ATRNL1: variants seen among roughly 807,000 people sequenced by gnomAD.
ATRNL1 encodes the protein attractin-like protein 1.
Under a neutral mutation model 182.7 loss-of-function variants are expected in ATRNL1, and 95 were observed. That is an observed-to-expected ratio of 0.52 (90% confidence interval 0.44 to 0.62). ATRNL1 has a LOEUF of 0.62. Among genes scored for constraint, ATRNL1 ranks in the 20% least tolerant of loss-of-function variants. ATRNL1 has a pLI of 0.00. For synonymous variants in ATRNL1, 576 were observed against 568.3 expected (o/e 1.01, Z -0.19); for missense variants, 1,471 against 1,679.5 (o/e 0.88, Z 2.17).
intron 22 of ATRNL1, among the ~76,000 whole-genome samples, chr10:115,462,768 A>G (rs182178107): frequency 5.6e-4 from 85 of 152,226 alleles, no homozygotes; most frequent in African/African-American, 2.0e-3. Context: ...TAATGAAATT[A>G]CCACATCACT....
intron 8 of ATRNL1, among the ~76,000 whole-genome samples, chr10:115,210,026 C>G (rs1422758513): frequency 2.0e-5 from 3 of 151,930 alleles, no homozygotes; most frequent in African/African-American, 7.2e-5. Flanking sequence ...TGTCTTCGCT[C>G]TTACAATTCC....
chr10:115,206,136 C>A (rs1554893682), intron 8 of ATRNL1, among the ~76,000 whole-genome samples: 1 of 151,832 alleles, frequency 6.6e-6, no homozygotes, highest in African/African-American at 2.4e-5. Flanking sequence ...AATGTTGGGC[C>A]ACTTCTTTCT....
chr10:115,255,079 G>C (rs1221640073), intron 10 of ATRNL1, among the ~76,000 whole-genome samples: 1 of 152,164 alleles, frequency 6.6e-6, no homozygotes, highest in Admixed American at 6.5e-5. Context: ...TGATCCTCCA[G>C]CTTTGTTCTT....
At chr10:115,540,152 A>AT (rs1565148315) in intron 25 of ATRNL1, among the ~76,000 whole-genome samples, 3 of 147,524 alleles carry the variant, frequency 2.0e-5, no homozygotes, top group Admixed American at 6.8e-5. Context: ...TAAATAAATA[A>AT]ATATATAGTG....
At chr10:115,120,619 G>C (rs1203140510) in intron 2 of ATRNL1, among the ~76,000 whole-genome samples, 14 of 151,960 alleles carry the variant, frequency 9.2e-5, no homozygotes, top group African/African-American at 3.4e-4. Flanking sequence ...TAGCATTTTA[G>C]TTCAAAGGGT....
At chr10:115,920,740 G>C in intron 28 of ATRNL1, among the ~76,000 whole-genome samples, 1 of 152,122 alleles carries the variant, frequency 6.6e-6, no homozygotes, top group East Asian at 1.9e-4. Context: ...AGCATTAGAC[G>C]GAACCATTAA....
chr10:115,185,191 A>G (rs1456613583), intron 8 of ATRNL1, among the ~76,000 whole-genome samples: 4 of 151,980 alleles, frequency 2.6e-5, no homozygotes, highest in African/African-American at 9.7e-5. Context: ...ATAGATGTAG[A>G]TTCTTCTGAA....
At chr10:115,329,024 T>G (rs1265494057) in intron 18 of ATRNL1, among the ~76,000 whole-genome samples, 1 of 152,028 alleles carries the variant, frequency 6.6e-6, no homozygotes, top group Non-Finnish European at 1.5e-5. Flanking sequence ...ATATTTTTAT[T>G]TTTTTTGAGA....
intron 19 of ATRNL1, among the ~76,000 whole-genome samples, chr10:115,377,256 C>T (rs1857727745): frequency 6.6e-6 from 1 of 152,124 alleles, no homozygotes; most frequent in Non-Finnish European, 1.5e-5. Context: ...TTTTCCCATA[C>T]TGTTCTTGTG....
intron 27 of ATRNL1, among the ~76,000 whole-genome samples, chr10:115,780,205 C>T (rs10885812): frequency 0.24 from 36,771 of 152,074 alleles, 4,477 homozygotes; most frequent in South Asian, 0.3. Context: ...TGCTGCTCTG[C>T]CACAGGATAC....
intron 27 of ATRNL1, among the ~76,000 whole-genome samples, chr10:115,802,050 C>CACACACACACACACACA: frequency 7.0e-6 from 1 of 143,062 alleles, no homozygotes; most frequent in East Asian, 2.1e-4. Flanking sequence ...ACACACAAAA[C>CACACACACACACACACA]AAAAAAAAAC....
chr10:115,419,138 GATA>G (rs1554961410), intron 20 of ATRNL1, among the ~76,000 whole-genome samples: 1 of 152,062 alleles, frequency 6.6e-6, no homozygotes, highest in African/African-American at 2.4e-5. Context: ...AATATGGAAG[GATA>G]ATGAGTTAAA....
At chr10:115,123,886 C>T (rs1258554947) in intron 3 of ATRNL1, among the ~76,000 whole-genome samples, 2 of 151,870 alleles carry the variant, frequency 1.3e-5, no homozygotes, top group Non-Finnish European at 2.9e-5. Flanking sequence ...ATCTAGGTTG[C>T]TCATTCCTTA....
intron 26 of ATRNL1, among the ~76,000 whole-genome samples, chr10:115,622,935 A>T (rs915243385): frequency 3.3e-5 from 5 of 152,172 alleles, no homozygotes; most frequent in Non-Finnish European, 7.3e-5. Context: ...TCGAAAAAAA[A>T]ATAGAATTTA....
At chr10:115,273,362 G>A (rs1049220186) in intron 13 of ATRNL1, among the ~76,000 whole-genome samples, 2 of 152,100 alleles carry the variant, frequency 1.3e-5, no homozygotes, top group African/African-American at 2.4e-5. Context: ...AAACATTTAC[G>A]CTGGATACAA....
At chr10:115,928,708 T>A (rs1362915330) in intron 28 of ATRNL1, among the ~76,000 whole-genome samples, 1 of 151,972 alleles carries the variant, frequency 6.6e-6, no homozygotes, top group Non-Finnish European at 1.5e-5. Context: ...AGATTTTTTT[T>A]AAATAGAGAA....
chr10:115,837,119 C>T (rs1282424204), intron 27 of ATRNL1, among the ~76,000 whole-genome samples: 2 of 152,112 alleles, frequency 1.3e-5, no homozygotes, highest in African/African-American at 2.4e-5. Context: ...TATTCACTCT[C>T]ATATACTTCA....
chr10:115,169,023 T>C (rs1847174512), intron 7 of ATRNL1, among the ~76,000 whole-genome samples: 2 of 150,824 alleles, frequency 1.3e-5, no homozygotes, highest in South Asian at 4.2e-4. Flanking sequence ...AGTTCTTTTT[T>C]TTTTTTTTTT....
rs114337868 is a variant in ATRNL1, at chr10:115,705,104, C to T, written c.3796-22144C>T. On this transcript the variant is annotated intron_variant, in intron 26 of 28. Coordinates refer to ENST00000355044, the MANE Select transcript of ATRNL1 (RefSeq NM_207303.4). The stretch of plus-strand genomic sequence containing the variant: ...AGAGAATCTCAATGCCTAGGATGAT[C>T]CCCGAAATCTGATCTGTACTCAGTA... Among the ~76,000 whole-genome samples, 597 of 151,978 alleles carry T rather than the reference C, an allele frequency of 3.9e-3. 8 individuals are homozygous for T. Among genetic ancestry groups the T allele is most frequent in the African/African-American group, 0.014 (572 of 41,498 alleles).
Sources: allele counts gnomAD v4.1 joint callset (sites outside exome capture counted in the v4.1 genomes callset), GRCh38; gene constraint gnomAD v4.1.1; transcripts MANE v1.5; gene names NCBI Gene and HGNC (gene_info 2026-07-23, HGNC 2026-07-21).